FAM13A: variants seen among roughly 807,000 people sequenced by gnomAD.
FAM13A encodes family with sequence similarity 13 member A, also known as protein FAM13A.
Under a neutral mutation model 129.6 loss-of-function variants are expected in FAM13A, and 76 were observed. That is an observed-to-expected ratio of 0.59 (90% CI 0.49 to 0.71). FAM13A has a LOEUF of 0.71. Ranked by LOEUF, FAM13A falls within the 30% of genes least tolerant of loss-of-function variation. The probability of loss-of-function intolerance (pLI) is 0.00; values close to 1 mark genes in which losing one functional copy is unlikely to be tolerated. For missense variants in FAM13A, 1,108 were observed against 1,249.3 expected (o/e 0.89, Z 1.70); for synonymous variants, 443 against 449.9 (o/e 0.98, Z 0.20).
intron 10 of FAM13A, among the ~76,000 whole-genome samples, chr4:88,784,680 TTTCCAG>T (rs1375878257): frequency 2.0e-5 from 3 of 152,222 alleles, no homozygotes; most frequent in African/African-American, 7.2e-5. Context: ...TTGGATCAAT[TTTCCAG>T]TTCACTGTGT....
intron 7 of FAM13A, among the ~76,000 whole-genome samples, chr4:88,829,708 G>A (rs151247335): frequency 2.1e-4 from 32 of 152,234 alleles, no homozygotes; most frequent in African/African-American, 7.0e-4. Flanking sequence ...ACCAATAACA[G>A]CAAAATGTCA....
In FAM13A at chr4:88,969,435, A is replaced by G. The variant is rs113210200; in HGVS notation, c.605+21538T>C. 3.4e-3 allele frequency among the ~76,000 whole-genome samples: 511 copies of G among 152,248 alleles called. 6 individuals are homozygous for G. The highest frequency in any genetic ancestry group is 0.012 in the African/African-American group (492 of 41,558). On this transcript the variant is annotated intron_variant, in intron 4 of 23. Transcript: ENST00000264344. ...GATGAATGCAAGCAGCTTGGCTCTA[A>G]AAGATGGCTACCAGATAAACTCATA...
rs1246847014 is a variant in FAM13A at position 88,725,963 on chromosome 4, TAA to T, written c.*2568_*2569del. On this transcript the variant is annotated 3_prime_UTR_variant, in exon 24 of 24. Transcript: ENST00000264344. Reference sequence around the variant, plus strand: ...ACAATAAAAGTACTTATGAAAATTATAAGTCTGCACTCTTTAATTCTTAAGTT... The same window carrying T: ...ACAATAAAAGTACTTATGAAAATTATGTCTGCACTCTTTAATTCTTAAGTT... 2.0e-5 allele frequency: 3 copies of T among 148,572 alleles called. No individual in the cohort carries two copies. Among genetic ancestry groups the T allele is most frequent in the African/African-American group, 7.5e-5 (3 of 40,238 alleles). The allele number at this position is 148,572 out of a possible 1,614,324, so 9.2% of individuals were successfully genotyped here.
intron 4 of FAM13A, among the ~76,000 whole-genome samples, chr4:88,985,958 A>G (rs1049366484): frequency 4.6e-5 from 7 of 152,204 alleles, no homozygotes; most frequent in Non-Finnish European, 1.0e-4. Flanking sequence ...TAGACATCAC[A>G]TAATACACAA....
At chr4:88,834,210 C>CA (rs200267316) in intron 7 of FAM13A, among the ~76,000 whole-genome samples, 50,474 of 132,018 alleles carry the variant, frequency 0.38, 10,676 homozygotes, top group African/African-American at 0.63. Context: ...CCATGCCTGG[C>CA]AAAAAAAAAA....
In FAM13A at chr4:89,056,943, T is replaced by C. The variant is rs1236745783; in HGVS notation, c.22A>G (p.Ile8Val). The change falls in exon 1 of 24, where the codon ATC becomes GTC. Residue 8 changes from isoleucine to valine, a missense_variant. Transcript: ENST00000264344. ...AGAAGAAGGCCTATACTTACACAGA[T>C]GGCTAGAGCTCCTGCCCCCATTCTC... MGAGALA[I>V]CQSKAAVRLK... The C allele has an allele frequency of 6.2e-6, 10 of 1,613,344 alleles. No individual in the cohort carries two copies. In the South Asian group the frequency reaches 1.1e-4, roughly 18 times the overall value.
chr4:88,985,864 G>T lies in FAM13A; in HGVS notation c.605+5109C>A, dbSNP rs1158424639. On this transcript the variant is annotated intron_variant, in intron 4 of 23. Transcript: ENST00000264344. ...AAAAAAGAATAAAAAAAAAAAAACT[G>T]TTGGAATGATCTCTAAGATTTGCAG... is the stretch of plus-strand genomic sequence containing the variant. Among the ~76,000 whole-genome samples the T allele has an allele frequency of 6.2e-5, 9 of 145,316 alleles. 1 individual carries two copies. Among genetic ancestry groups the T allele is most frequent in the Admixed American group, 6.1e-4 (9 of 14,660 alleles).
At chr4:88,757,196 A>G (rs1247002108) in intron 14 of FAM13A, among the ~76,000 whole-genome samples, 2 of 152,202 alleles carry the variant, frequency 1.3e-5, no homozygotes, top group Non-Finnish European at 2.9e-5. Context: ...TCAGCTTTAT[A>G]TTAGCATTAT....
intron 11 of FAM13A, chr4:88,768,556 C>G (rs572252277): frequency 6.5e-6 from 1 of 154,018 alleles, no homozygotes; most frequent in Non-Finnish European, 1.4e-5. Flanking sequence ...GGAGTATACA[C>G]ATTATATGTG....
At chr4:89,019,933 C>T (rs544225342) in intron 3 of FAM13A, among the ~76,000 whole-genome samples, 1 of 152,120 alleles carries the variant, frequency 6.6e-6, no homozygotes, top group Admixed American at 6.5e-5. Context: ...ATTAAGCAAC[C>T]ACAATTTAAT....
At chr4:88,956,878 C>G (rs1475863645) in intron 4 of FAM13A, among the ~76,000 whole-genome samples, 1 of 152,140 alleles carries the variant, frequency 6.6e-6, no homozygotes, top group Non-Finnish European at 1.5e-5. Context: ...TTGTCCCCGC[C>G]CAAATTTCAG....
intron 7 of FAM13A, among the ~76,000 whole-genome samples, chr4:88,831,545 T>C (rs1196478823): frequency 6.6e-6 from 1 of 152,192 alleles, no homozygotes; most frequent in Non-Finnish European, 1.5e-5. Context: ...GGCTGGTAAA[T>C]AATTTGCTTT....
chr4:88,974,045 A>C (rs560720446), intron 4 of FAM13A, among the ~76,000 whole-genome samples: 1 of 152,254 alleles, frequency 6.6e-6, no homozygotes, highest in East Asian at 1.9e-4. Context: ...GTATATTTCA[A>C]ATTGGTTCCT....
At chr4:89,012,486 A>T (rs1765863259) in intron 3 of FAM13A, among the ~76,000 whole-genome samples, 1 of 152,252 alleles carries the variant, frequency 6.6e-6, no homozygotes, top group East Asian at 1.9e-4. Context: ...AATAAAATAG[A>T]GAAAGAAGTC....
intron 15 of FAM13A, 26 bp from the exon 16 acceptor site, chr4:88,749,935 T>C: frequency 6.2e-7 from 1 of 1,610,984 alleles, no homozygotes; most frequent in South Asian, 1.1e-5. Flanking sequence ...CTTGGGTCAG[T>C]TTCCCCAGGA....
intron 4 of FAM13A, among the ~76,000 whole-genome samples, chr4:88,964,918 G>T (rs1206141185): frequency 1.3e-5 from 2 of 152,006 alleles, no homozygotes; most frequent in African/African-American, 4.8e-5. Context: ...GTGAGATACC[G>T]CGCCCGGCCC....
intron 16 of FAM13A, 28 bp downstream of exon 16, chr4:88,749,743 G>A (rs370090067): frequency 7.4e-6 from 12 of 1,610,890 alleles, no homozygotes; most frequent in South Asian, 6.6e-5. Context: ...AGGATGAGGC[G>A]AAAAGAACAG....
At chr4:88,842,880 T>C (rs938834676) in intron 7 of FAM13A, among the ~76,000 whole-genome samples, 2 of 152,208 alleles carry the variant, frequency 1.3e-5, no homozygotes, top group African/African-American at 4.8e-5. Context: ...GCAATTGTAT[T>C]GAAGGGCAGA....
chr4:88,841,137 CAAG>C (rs1334472602), intron 7 of FAM13A, among the ~76,000 whole-genome samples: 2 of 152,078 alleles, frequency 1.3e-5, no homozygotes, highest in African/African-American at 4.8e-5. Flanking sequence ...ACTTTATAAA[CAAG>C]AAAATAATAG....
Sources: gnomAD v4.1 joint callset for allele counts (sites outside exome capture counted in the v4.1 genomes callset) on GRCh38, gnomAD v4.1.1 for gene constraint, MANE v1.5 for transcripts, NCBI Gene and HGNC (gene_info 2026-07-23, HGNC 2026-07-21) for gene names.